ZFYVE28: variants seen among roughly 807,000 people sequenced by gnomAD.
ZFYVE28 encodes the protein zinc finger FYVE-type containing 28, also known as lateral signaling target protein 2 homolog.
Under a neutral mutation model 82.1 loss-of-function variants are expected in ZFYVE28, and 40 were observed. The ratio of observed to expected loss-of-function variants is 0.49; its 90% confidence interval spans 0.38 to 0.63. The LOEUF (loss-of-function observed/expected upper bound fraction) is 0.63. ZFYVE28 is among the 30% of genes least tolerant of loss of function. The probability of loss-of-function intolerance (pLI) is 0.00; values close to 1 mark genes in which losing one functional copy is unlikely to be tolerated. For synonymous variants in ZFYVE28, 612 were observed against 546.1 expected (o/e 1.12, Z -1.68); for missense variants, 1,321 against 1,242.1 (o/e 1.06, Z -0.96).
intron 1 of ZFYVE28, chr4:2,364,968 G>C: frequency 1.1e-6 from 1 of 939,566 alleles, no homozygotes; most frequent in Non-Finnish European, 1.3e-6. Context: ...ACAGAGCCGG[G>C]GTGTCCCGGG....
intron 6 of ZFYVE28, among the ~76,000 whole-genome samples, chr4:2,322,840 A>C (rs1578084983): frequency 6.6e-6 from 1 of 152,186 alleles, no homozygotes; most frequent in African/African-American, 2.4e-5. Flanking sequence ...GGAATCACAT[A>C]ATACGTGACC....
At chr4:2,338,114 C>T (rs2108859022) in intron 4 of ZFYVE28, among the ~76,000 whole-genome samples, 1 of 152,362 alleles carries the variant, frequency 6.6e-6, no homozygotes, top group Admixed American at 6.5e-5. Flanking sequence ...AACGAATGAA[C>T]ACGTGCACGG....
At chr4:2,296,448 C>T (rs1019968661) in intron 8 of ZFYVE28, among the ~76,000 whole-genome samples, 1 of 152,366 alleles carries the variant, frequency 6.6e-6, no homozygotes, top group African/African-American at 2.4e-5. Flanking sequence ...CACTTATAAA[C>T]GATTGGCTTA....
At chr4:2,401,133 C>T (rs1731128912) in intron 1 of ZFYVE28, among the ~76,000 whole-genome samples, 1 of 152,306 alleles carries the variant, frequency 6.6e-6, no homozygotes, top group East Asian at 1.9e-4. Flanking sequence ...CGTCACGAGC[C>T]TCTCCCCAGT....
intron 7 of ZFYVE28, among the ~76,000 whole-genome samples, chr4:2,319,421 G>A (rs952410509): frequency 3.3e-5 from 5 of 152,172 alleles, no homozygotes; most frequent in Non-Finnish European, 5.9e-5. Flanking sequence ...CATAGCCCAC[G>A]GGGTCACTTT....
intron 1 of ZFYVE28, among the ~76,000 whole-genome samples, chr4:2,383,382 C>T (rs1233274758): frequency 6.6e-6 from 1 of 152,130 alleles, no homozygotes; most frequent in Non-Finnish European, 1.5e-5. Context: ...TCTCTTGCCA[C>T]CTCCACGCAG....
intron 2 of ZFYVE28, among the ~76,000 whole-genome samples, chr4:2,347,552 A>C (rs979245436): frequency 6.6e-6 from 1 of 152,196 alleles, no homozygotes; most frequent in Admixed American, 6.5e-5. Flanking sequence ...AAAATAATCC[A>C]AGTCACACAA....
intron 1 of ZFYVE28, among the ~76,000 whole-genome samples, chr4:2,403,958 A>C (rs368964961): frequency 1.9e-3 from 256 of 134,800 alleles, no homozygotes; most frequent in African/African-American, 6.7e-3. Context: ...GACAAGAGCG[A>C]AACTCCATTT....
At chr4:2,337,383 G>A (rs1233524110) in intron 5 of ZFYVE28, 24 bp downstream of exon 5, 3 of 1,576,858 alleles carry the variant, frequency 1.9e-6, no homozygotes, top group African/African-American at 1.4e-5. Flanking sequence ...GCTGCCCCCA[G>A]CCCCTAAGCA....
At chr4:2,400,475 A>C (rs564595195) in intron 1 of ZFYVE28, among the ~76,000 whole-genome samples, 1 of 152,126 alleles carries the variant, frequency 6.6e-6, no homozygotes, top group African/African-American at 2.4e-5. Context: ...CCACCCCAGG[A>C]GTGAGTGTCA....
intron 11 of ZFYVE28, 95 bp from the exon 12 acceptor site, chr4:2,271,509 G>A: frequency 6.8e-7 from 1 of 1,461,724 alleles, no homozygotes; most frequent in Non-Finnish European, 9.5e-7. Context: ...TTTCCAGACT[G>A]CCAAGCCGCC....
Position 2,362,296 on chromosome 4 carries a change from C to T in ZFYVE28, c.40-8223G>A, listed in dbSNP as rs890942131. ...GCCAGCTTTCCATTAAAGCCTGGGA[C>T]TTCTCGCTCCAGCACCAGGAATCCA... On this transcript the variant is annotated intron_variant, in intron 1 of 12. Coordinates refer to ENST00000290974, the MANE Select transcript of ZFYVE28 (RefSeq NM_020972.3). This position sits in a 1 kb window ranked among gnomAD's most constrained non-coding sequence, Gnocchi z 5.1. Among the ~76,000 whole-genome samples, 5 of 152,136 alleles carry T rather than the reference C, an allele frequency of 3.3e-5. No homozygotes were observed. The highest frequency in any genetic ancestry group is 1.2e-4 in the African/African-American group (5 of 41,412).
rs564422113 is a variant in ZFYVE28 at position 2,391,337 on chromosome 4, C to T, written c.39+26948G>A. Among the ~76,000 whole-genome samples, 12 of 152,216 alleles carry T rather than the reference C, an allele frequency of 7.9e-5. No individual in the cohort carries two copies. In the South Asian group the frequency reaches 8.3e-4, roughly 11 times the overall value. On this transcript the variant is annotated intron_variant, in intron 1 of 12. Transcript: ENST00000290974. Reference sequence around the variant, plus strand: ...GCGCTCATGTGTGGCGGAAGAGCCTCGTTCCCTCCCTCCCGTCCTGGGGCC... The same window carrying T: ...GCGCTCATGTGTGGCGGAAGAGCCTTGTTCCCTCCCTCCCGTCCTGGGGCC...
chr4:2,271,883 C>A, intron 10 of ZFYVE28, 104 bp from the exon 11 acceptor site: 1 of 1,065,336 alleles, frequency 9.4e-7, no homozygotes, highest in South Asian at 1.3e-5. Context: ...AGCAGTCGGT[C>A]AGCTCCCCAA....
chr4:2,291,319 C>G (rs1020571738), intron 8 of ZFYVE28, among the ~76,000 whole-genome samples: 1 of 152,196 alleles, frequency 6.6e-6, no homozygotes, highest in African/African-American at 2.4e-5. Context: ...TTTTCCTGGT[C>G]CCATGGGGTG....
chr4:2,308,645 G>GA (rs950436190), intron 7 of ZFYVE28, among the ~76,000 whole-genome samples: 6 of 104,614 alleles, frequency 5.7e-5, no homozygotes, highest in African/African-American at 2.4e-4. Context: ...AAGAAAGAAA[G>GA]AAAGAAAGAA....
rs187727417 is a variant in ZFYVE28 at position 2,335,702 on chromosome 4, C to T, written c.701+3G>A. 1,344 of 1,569,602 alleles carry T rather than the reference C, an allele frequency of 8.6e-4. 24 individuals are homozygous for T. The Admixed American group carries it at 0.023, about 27-fold the overall frequency. ...AGAGGTCCTGGGCACAGGAGGCACTCACCACACGATGGCCAGCCTGGGGAT... is the reference window on the plus strand; with the variant it reads ...AGAGGTCCTGGGCACAGGAGGCACTTACCACACGATGGCCAGCCTGGGGAT... On this transcript the variant is annotated splice_donor_region_variant and intron_variant, in intron 6 of 12. Transcript: ENST00000290974. The surrounding 1 kb of genome is among the most constrained non-coding windows in gnomAD (Gnocchi z 5.8).
At position 2,341,052 on chromosome 4, in the gene ZFYVE28, G is replaced by A. The variant is rs562667799; in HGVS notation, c.318+426C>T. Among the ~76,000 whole-genome samples the A allele has an allele frequency of 7.3e-4, 110 of 151,706 alleles. No homozygotes were observed. Among genetic ancestry groups the A allele is most frequent in the Admixed American group, 3.5e-3 (54 of 15,260 alleles). The stretch of plus-strand genomic sequence containing the variant: ...TGCCTCAGTTTCCTGATTGGGAGAT[G>A]AAGATGAAGATGACAGGCTATTGCC... On this transcript the variant is annotated intron_variant, in intron 3 of 12. Coordinates refer to ENST00000290974, the MANE Select transcript of ZFYVE28 (RefSeq NM_020972.3). This position sits in a 1 kb window ranked among gnomAD's most constrained non-coding sequence, Gnocchi z 4.5.
intron 1 of ZFYVE28, among the ~76,000 whole-genome samples, chr4:2,406,924 T>C (rs995515853): frequency 1.4e-4 from 21 of 152,210 alleles, no homozygotes; most frequent in African/African-American, 5.1e-4. Context: ...GTGCCTACCC[T>C]GTGGTAATTC....
Sources: gnomAD v4.1 joint callset for allele counts (sites outside exome capture counted in the v4.1 genomes callset) on GRCh38, gnomAD v4.1.1 for gene constraint, Gnocchi (gnomAD v3.1) non-coding constraint, MANE v1.5 for transcripts, NCBI Gene and HGNC (gene_info 2026-07-23, HGNC 2026-07-21) for gene names.